FBXO36: variants seen among roughly 807,000 people sequenced by gnomAD.
FBXO36 encodes the protein F-box only protein 36.
A neutral mutation model predicts 17.0 loss-of-function variants in FBXO36; 18 were observed. The observed-to-expected ratio is 1.06, with a 90% CI of 0.73 to 1.57. The LOEUF is 1.57. Among genes scored for constraint, FBXO36 ranks in the 40% most tolerant of loss-of-function variants. The probability of loss-of-function intolerance (pLI) is 0.00; values close to 1 mark genes in which losing one functional copy is unlikely to be tolerated. For synonymous variants in FBXO36, 83 were observed against 85.3 expected (o/e 0.97, Z 0.15); for missense variants, 229 against 221.9 (o/e 1.03, Z -0.20).
At chr2:229,997,263 C>G (rs1001967891) in intron 3 of FBXO36, among the ~76,000 whole-genome samples, 2 of 151,360 alleles carry the variant, frequency 1.3e-5, no homozygotes, top group Non-Finnish European at 2.9e-5. Context: ...GACAGGTGAT[C>G]TGGGTTAGGG....
chr2:229,942,499 C>A (rs1161243553), intron 1 of FBXO36, among the ~76,000 whole-genome samples: 2 of 152,148 alleles, frequency 1.3e-5, no homozygotes, highest in African/African-American at 4.8e-5. Context: ...ATGGAGATCA[C>A]CATGATTAGA....
At chr2:230,008,315 T>C (rs2077397585) in intron 3 of FBXO36, among the ~76,000 whole-genome samples, 1 of 152,154 alleles carries the variant, frequency 6.6e-6, no homozygotes, top group South Asian at 2.1e-4. Context: ...TAAGATTCTC[T>C]TCAACTTGAC....
chr2:229,997,592 A>AG (rs979011592), intron 3 of FBXO36, among the ~76,000 whole-genome samples: 22 of 151,646 alleles, frequency 1.5e-4, no homozygotes, highest in East Asian at 5.8e-4. Flanking sequence ...AAAAAAAAAA[A>AG]AGAGAGAGAG....
chr2:229,996,051 G>A (rs976141825), intron 2 of FBXO36, among the ~76,000 whole-genome samples: 1 of 151,850 alleles, frequency 6.6e-6, no homozygotes, highest in African/African-American at 2.4e-5. Flanking sequence ...CGAGGTGGGA[G>A]GATTGCTTGA....
intron 1 of FBXO36, 104 bp downstream of exon 1, chr2:229,922,713 G>C: frequency 8.4e-7 from 1 of 1,184,382 alleles, no homozygotes. Context: ...TAGCCCGCCG[G>C]AAGCGCCCAG....
At chr2:229,933,515 A>G (rs2076949600) in intron 1 of FBXO36, among the ~76,000 whole-genome samples, 1 of 152,166 alleles carries the variant, frequency 6.6e-6, no homozygotes, top group African/African-American at 2.4e-5. Flanking sequence ...TCACAAATAT[A>G]GTGAGAACCA....
At chr2:229,959,721 C>T (rs2077110926) in intron 1 of FBXO36, among the ~76,000 whole-genome samples, 1 of 151,934 alleles carries the variant, frequency 6.6e-6, no homozygotes, top group African/African-American at 2.4e-5. Flanking sequence ...TGGTGGGCGC[C>T]TGTAGTCCCA....
At chr2:230,001,721 C>G (rs1485866646) in intron 3 of FBXO36, among the ~76,000 whole-genome samples, 1 of 152,210 alleles carries the variant, frequency 6.6e-6, no homozygotes, top group Non-Finnish European at 1.5e-5. Context: ...GAGGGAGTTG[C>G]TCCTCTCCTG....
intron 1 of FBXO36, among the ~76,000 whole-genome samples, chr2:229,972,317 A>T (rs1284882151): frequency 6.6e-6 from 1 of 152,066 alleles, no homozygotes; most frequent in African/African-American, 2.4e-5. Context: ...TGCAATTTTT[A>T]ACAATTACTA....
At chr2:229,988,058 T>G (rs1341074421) in intron 2 of FBXO36, among the ~76,000 whole-genome samples, 1 of 152,240 alleles carries the variant, frequency 6.6e-6, no homozygotes, top group African/African-American at 2.4e-5. Flanking sequence ...TAAAACATTT[T>G]CTAATTTCCA....
intron 1 of FBXO36, among the ~76,000 whole-genome samples, chr2:229,964,797 G>T (rs1292041908): frequency 6.6e-6 from 1 of 152,202 alleles, no homozygotes; most frequent in African/African-American, 2.4e-5. Context: ...GGGATTACAG[G>T]CGTGAGCCAC....
intron 1 of FBXO36, among the ~76,000 whole-genome samples, chr2:229,949,018 G>A (rs1011525220): frequency 2.6e-5 from 4 of 151,970 alleles, no homozygotes; most frequent in Non-Finnish European, 5.9e-5. Context: ...ATTTTTTAGT[G>A]GAGACGGGGT....
chr2:229,976,476 A>G (rs193288916), intron 2 of FBXO36, 127 bp downstream of exon 2: 112 of 642,982 alleles, frequency 1.7e-4, no homozygotes, highest in Non-Finnish European at 2.6e-4. Context: ...TACATATACA[A>G]TGTTAGATTC....
At chr2:229,985,789 C>T (rs1326875128) in intron 2 of FBXO36, among the ~76,000 whole-genome samples, 7 of 152,162 alleles carry the variant, frequency 4.6e-5, no homozygotes, top group Non-Finnish European at 1.0e-4. Context: ...TGGCTCATGC[C>T]TGTAATCCCA....
chr2:229,936,222 C>G (rs1312830097), intron 1 of FBXO36, among the ~76,000 whole-genome samples: 1 of 151,916 alleles, frequency 6.6e-6, no homozygotes, highest in Non-Finnish European at 1.5e-5. Flanking sequence ...TAACTCATCC[C>G]CTCTCTTCCA....
At chr2:229,975,995 A>C (rs1443924991) in intron 1 of FBXO36, among the ~76,000 whole-genome samples, 1 of 152,110 alleles carries the variant, frequency 6.6e-6, no homozygotes, top group African/African-American at 2.4e-5. Flanking sequence ...AGTGTGAGCC[A>C]CTGCACCCGG....
At chr2:229,977,575 C>T (rs1436144207) in intron 2 of FBXO36, among the ~76,000 whole-genome samples, 7 of 152,032 alleles carry the variant, frequency 4.6e-5, no homozygotes, top group Non-Finnish European at 7.4e-5. Flanking sequence ...CTCAGCCTCC[C>T]GAGTAGCTGG....
At chr2:229,972,484 G>C (rs1295208374) in intron 1 of FBXO36, among the ~76,000 whole-genome samples, 1 of 152,014 alleles carries the variant, frequency 6.6e-6, no homozygotes, top group Non-Finnish European at 1.5e-5. Flanking sequence ...CTGGCTTTTG[G>C]GGCTGAATTT....
chr2:229,979,860 A>G (rs1197252751), intron 2 of FBXO36, among the ~76,000 whole-genome samples: 1 of 152,102 alleles, frequency 6.6e-6, no homozygotes. Context: ...AAGAGAAGAA[A>G]ATGTGACTGA....
Sources: gnomAD v4.1 joint callset for allele counts (sites outside exome capture counted in the v4.1 genomes callset) on GRCh38, gnomAD v4.1.1 for gene constraint, MANE v1.5 for transcripts, NCBI Gene and HGNC (gene_info 2026-07-23, HGNC 2026-07-21) for gene names.